The following CISD1 variants were observed in gnomAD, a reference collection of about 807,000 sequenced individuals.
The protein encoded by CISD1 is CDGSH iron sulfur domain 1, also known as CDGSH iron-sulfur domain-containing protein 1.
CISD1 carries 8 observed loss-of-function variants against 12.0 expected under a neutral mutation model. That is an observed-to-expected ratio of 0.67 (90% confidence interval 0.39 to 1.20). The LOEUF (loss-of-function observed/expected upper bound fraction) is 1.20. Ranked by LOEUF, CISD1 falls within the 50% of genes most tolerant of loss-of-function variation. The pLI, the probability that CISD1 is intolerant of heterozygous loss-of-function variation, is 0.01. For synonymous variants in CISD1, 38 were observed against 42.2 expected, an observed-to-expected ratio of 0.90 and a Z score of 0.39; for missense variants, 107 against 132.7, an observed-to-expected ratio of 0.81 and a Z score of 0.95.
At chr10:58,281,725 A>G (rs1432107475) in intron 2 of CISD1, among the ~76,000 whole-genome samples, 1 of 152,228 alleles carries the variant, frequency 6.6e-6, no homozygotes, top group Non-Finnish European at 1.5e-5. Context: ...CATTTTACCA[A>G]TGGAAAAAAT....
intron 1 of CISD1, among the ~76,000 whole-genome samples, chr10:58,272,234 A>AG (rs1034270405): frequency 6.6e-6 from 1 of 151,546 alleles, no homozygotes; most frequent in Non-Finnish European, 1.5e-5. Flanking sequence ...TTAAAAAAAA[A>AG]AAAAAGCCAA....
intron 2 of CISD1, chr10:58,283,181 A>C (rs1839391791): frequency 6.6e-6 from 1 of 151,994 alleles, no homozygotes; most frequent in Admixed American, 6.5e-5. Flanking sequence ...AAAAAGAGAA[A>C]TCCTCCATCC....
intron 2 of CISD1, among the ~76,000 whole-genome samples, chr10:58,278,042 A>G (rs1839334762): frequency 6.6e-6 from 1 of 152,210 alleles, no homozygotes; most frequent in African/African-American, 2.4e-5. Context: ...TTATATGAGA[A>G]TTGTATTTTA....
At chr10:58,274,007 G>A (rs1180332123) in intron 1 of CISD1, among the ~76,000 whole-genome samples, 4 of 152,196 alleles carry the variant, frequency 2.6e-5, no homozygotes, top group Middle Eastern at 3.4e-3. Flanking sequence ...GGTGGTGGGC[G>A]CCTGTAATCC....
intron 2 of CISD1, among the ~76,000 whole-genome samples, chr10:58,280,928 T>C (rs971037113): frequency 2.0e-5 from 3 of 152,250 alleles, no homozygotes; most frequent in African/African-American, 7.2e-5. Flanking sequence ...AGAAGCTATG[T>C]CCATGTGAGT....
chr10:58,284,473 C>A (rs919081405), intron 2 of CISD1, among the ~76,000 whole-genome samples: 4 of 152,100 alleles, frequency 2.6e-5, no homozygotes, highest in African/African-American at 9.7e-5. Context: ...ATTTTTAACA[C>A]CTAGTTTGCA....
At chr10:58,270,101 A>G (rs1030481570) in intron 1 of CISD1, among the ~76,000 whole-genome samples, 4 of 152,236 alleles carry the variant, frequency 2.6e-5, no homozygotes, top group African/African-American at 9.6e-5. Flanking sequence ...TTGCCCCTCT[A>G]TAAAACGCCA....
Position 58,269,310 on chromosome 10 carries a change from G to T in CISD1, c.31+6G>T. 1 of 1,608,046 alleles carries T rather than the reference G, an allele frequency of 6.2e-7. No homozygotes were observed. Reference sequence around the variant, plus strand: ...TTCCAGTTCCAGCGTACGAGGTGAAGTGGGGCCTGGGAGCGGGTGAGGCTG... The same window carrying T: ...TTCCAGTTCCAGCGTACGAGGTGAATTGGGGCCTGGGAGCGGGTGAGGCTG... On this transcript the variant is annotated splice_donor_region_variant and intron_variant, in intron 1 of 2. Coordinates refer to ENST00000333926, the MANE Select transcript of CISD1 (RefSeq NM_018464.5).
chr10:58,289,164 CCTT>C lies in CISD1; in HGVS notation c.*1518_*1520del, dbSNP rs1451841239. The C allele has an allele frequency of 3.9e-5, 6 of 152,118 alleles. No homozygotes were observed. In the South Asian group the frequency reaches 6.2e-4, roughly 16 times the overall value. 9.4% of individuals were successfully genotyped at this position (152,118 alleles called of 1,614,324 possible). A position where few individuals can be genotyped will look rare whatever the true frequency, so the allele number is the denominator to read the frequency against. ...GGGTAAATTTTTTCTTTGCCCACCT[CCTT>C]CTTTTTAAGATAAGTATGCATGTCA... On this transcript the variant is annotated 3_prime_UTR_variant, in exon 3 of 3. Coordinates refer to ENST00000333926, the MANE Select transcript of CISD1 (RefSeq NM_018464.5).
At chr10:58,280,645 GATCTTTGATATGGATAAAA>G (rs1839363951) in intron 2 of CISD1, among the ~76,000 whole-genome samples, 1 of 152,174 alleles carries the variant, frequency 6.6e-6, no homozygotes, top group African/African-American at 2.4e-5. Context: ...GAATGCAACT[GATCTTTGATATGGATAAAA>G]ATCAAGGGCT....
chr10:58,282,933 C>T (rs1284784196), intron 2 of CISD1: 1 of 152,100 alleles, frequency 6.6e-6, no homozygotes, highest in Non-Finnish European at 1.5e-5. Context: ...GTATGACGGC[C>T]ACCTAGGAGG....
At position 58,288,272 on chromosome 10, in the gene CISD1, A is replaced by C. The variant is rs796985790; in HGVS notation, c.*622A>C. On this transcript the variant is annotated 3_prime_UTR_variant, in exon 3 of 3. Transcript: ENST00000333926. Reference sequence around the variant, plus strand: ...TGGTAACTTCCTCATATTTATCTTCACAGATATTTAATGAAGATGGATCCA... The same window carrying C: ...TGGTAACTTCCTCATATTTATCTTCCCAGATATTTAATGAAGATGGATCCA... 5.2e-5 allele frequency: 8 copies of C among 152,464 alleles called. No homozygotes were observed. Among genetic ancestry groups the C allele is most frequent in the African/African-American group, 1.7e-4 (7 of 41,582 alleles). The allele number at this position is 152,464 out of a possible 1,614,324, so 9.4% of individuals were successfully genotyped here. A position where few individuals can be genotyped will look rare whatever the true frequency, so the allele number is the denominator to read the frequency against.
intron 1 of CISD1, among the ~76,000 whole-genome samples, chr10:58,273,863 G>A (rs1332879204): frequency 6.6e-6 from 1 of 152,224 alleles, no homozygotes; most frequent in East Asian, 1.9e-4. Context: ...GCTGGTCATG[G>A]TGGCTCATGC....
At chr10:58,286,560 A>C (rs1264614728) in intron 2 of CISD1, among the ~76,000 whole-genome samples, 3 of 152,222 alleles carry the variant, frequency 2.0e-5, no homozygotes, top group Non-Finnish European at 4.4e-5. Context: ...AATTAAAATA[A>C]TGTGTGCTGT....
At chr10:58,269,712 G>T (rs1479707458) in intron 1 of CISD1, among the ~76,000 whole-genome samples, 6 of 152,184 alleles carry the variant, frequency 3.9e-5, no homozygotes, top group Non-Finnish European at 5.9e-5. Context: ...CCACAACGTC[G>T]ATTTCCTGCA....
chr10:58,278,863 G>A (rs983695960), intron 2 of CISD1, among the ~76,000 whole-genome samples: 3 of 152,128 alleles, frequency 2.0e-5, no homozygotes, highest in Non-Finnish European at 2.9e-5. Context: ...CAGACGCAGA[G>A]GACACAGTTA....
At position 58,277,141 on chromosome 10, in the gene CISD1, T is replaced by G; in HGVS notation, c.56T>G (p.Ile19Ser). Reference sequence around the variant, plus strand: ...GTTGAATGGATCGCAGCAGTTACCATTGCTGCTGGGACAGCTGCAATTGGT... The same window carrying G: ...GTTGAATGGATCGCAGCAGTTACCAGTGCTGCTGGGACAGCTGCAATTGGT... ...VRVEWIAAVT[I>S]AAGTAAIGYL... Residue 19 changes from isoleucine (I) to serine (S), a missense_variant, in exon 2 of 3, where the codon ATT becomes AGT. Transcript: ENST00000333926. 1 of 1,609,646 alleles carries G rather than the reference T, an allele frequency of 6.2e-7. No individual in the cohort carries two copies. Among genetic ancestry groups the G allele is most frequent in the Non-Finnish European group, 8.5e-7 (1 of 1,177,590 alleles).
intron 1 of CISD1, 55 bp downstream of exon 1, chr10:58,269,359 C>T: frequency 1.3e-6 from 2 of 1,540,032 alleles, no homozygotes; most frequent in Non-Finnish European, 8.9e-7. Flanking sequence ...GTTGCCGCGC[C>T]CGCAGTTCGA....
rs747592583 is a variant in CISD1 at position 58,269,308 on chromosome 10, A to G, written c.31+4A>G. On this transcript the variant is annotated splice_donor_region_variant and intron_variant, in intron 1 of 2. Transcript: ENST00000333926. The stretch of plus-strand genomic sequence containing the variant: ...ACTTCCAGTTCCAGCGTACGAGGTG[A>G]AGTGGGGCCTGGGAGCGGGTGAGGC... 43 of 1,608,074 alleles carry G rather than the reference A, an allele frequency of 2.7e-5. No homozygotes were observed. Among genetic ancestry groups the G allele is most frequent in the Non-Finnish European group, 3.4e-5 (40 of 1,179,414 alleles).
Sources: allele counts gnomAD v4.1 joint callset (sites outside exome capture counted in the v4.1 genomes callset), GRCh38; gene constraint gnomAD v4.1.1; transcripts MANE v1.5; gene names NCBI Gene and HGNC (gene_info 2026-07-23, HGNC 2026-07-21).